AUTS2: variants seen among roughly 807,000 people sequenced by gnomAD.
AUTS2 encodes activator of transcription and developmental regulator AUTS2.
AUTS2 carries 17 observed loss-of-function variants against 112.4 expected under a neutral mutation model. The observed-to-expected ratio is 0.15, with a 90% CI of 0.10 to 0.23. AUTS2 has a LOEUF of 0.23. Among genes scored for constraint, AUTS2 ranks in the 10% least tolerant of loss-of-function variants. AUTS2 has a pLI of 1.00. For synonymous variants in AUTS2, 751 were observed against 702.7 expected, an observed-to-expected ratio of 1.07 and a Z score of -1.09; for missense variants, 1,510 against 1,701.6, an observed-to-expected ratio of 0.89 and a Z score of 1.98.
At chr7:70,457,829 C>T (rs115414959) in intron 5 of AUTS2, among the ~76,000 whole-genome samples, 2 of 152,268 alleles carry the variant, frequency 1.3e-5, no homozygotes, top group African/African-American at 4.8e-5. Flanking sequence ...GATTAAAAGG[C>T]CCTTCAGAAT....
At chr7:69,810,096 CTCCACACATGT>C (rs1302097156) in intron 1 of AUTS2, among the ~76,000 whole-genome samples, 1 of 152,202 alleles carries the variant, frequency 6.6e-6, no homozygotes, top group Non-Finnish European at 1.5e-5. Flanking sequence ...CTTACAGCTT[CTCCACACATGT>C]TCCAGCGTCC....
At chr7:70,102,017 C>T (rs554213976) in intron 2 of AUTS2, among the ~76,000 whole-genome samples, 23 of 151,454 alleles carry the variant, frequency 1.5e-4, no homozygotes, top group Non-Finnish European at 3.2e-4. Context: ...TTTACGTATT[C>T]GTTCAACCGT....
chr7:70,093,763 A>G (rs1301531509), intron 2 of AUTS2, among the ~76,000 whole-genome samples: 5 of 152,236 alleles, frequency 3.3e-5, no homozygotes, highest in Admixed American at 6.5e-5. Context: ...GTCATGGAAC[A>G]TGTAAGCTGT....
At chr7:70,089,226 A>G (rs1470953282) in intron 2 of AUTS2, among the ~76,000 whole-genome samples, 1 of 152,226 alleles carries the variant, frequency 6.6e-6, no homozygotes, top group African/African-American at 2.4e-5. Context: ...ATTATTAACA[A>G]TGGAGCATTG....
At chr7:70,639,616 CAAAAAA>C (rs5884790) in intron 5 of AUTS2, among the ~76,000 whole-genome samples, 5 of 75,058 alleles carry the variant, frequency 6.7e-5, no homozygotes, top group Admixed American at 1.9e-4. Context: ...GACCCTGTCT[CAAAAAA>C]AAAAAAAAAA....
At chr7:70,056,661 C>T (rs1238290558) in intron 2 of AUTS2, among the ~76,000 whole-genome samples, 1 of 152,136 alleles carries the variant, frequency 6.6e-6, no homozygotes, top group Non-Finnish European at 1.5e-5. Flanking sequence ...TTTCTACAAC[C>T]TGCATTGAGG....
chr7:70,706,976 G>A (rs970153820), intron 6 of AUTS2, among the ~76,000 whole-genome samples: 1 of 152,210 alleles, frequency 6.6e-6, no homozygotes, highest in African/African-American at 2.4e-5. Flanking sequence ...ACGCTTACTA[G>A]CTGTGGAACT....
Position 70,791,276 on chromosome 7 carries a change from A to AACAC in AUTS2, c.*285_*288dup. The AACAC allele has an allele frequency of 3.5e-6, 1 of 282,474 alleles. No homozygotes were observed. The highest frequency in any genetic ancestry group is 5.9e-5 in the East Asian group (1 of 17,020). The allele number at this position is 282,474 out of a possible 1,614,324, so 17.5% of individuals were successfully genotyped here. On this transcript the variant is annotated 3_prime_UTR_variant, in exon 19 of 19. Coordinates refer to ENST00000342771, the MANE Select transcript of AUTS2 (RefSeq NM_015570.4). ...TTTGAACCAAAACAGTGAAGATGAC[A>AACAC]ACACACACCAATTGGATGATAATTG...
chr7:70,082,470 T>C (rs917386801), intron 2 of AUTS2, among the ~76,000 whole-genome samples: 2 of 152,224 alleles, frequency 1.3e-5, no homozygotes, highest in Non-Finnish European at 2.9e-5. Flanking sequence ...GCTGGACTTT[T>C]AGTACTTTAG....
chr7:69,963,613 T>C (rs1797518875), intron 2 of AUTS2, among the ~76,000 whole-genome samples: 2 of 152,188 alleles, frequency 1.3e-5, no homozygotes, highest in South Asian at 4.1e-4. Flanking sequence ...TGTGGTTACC[T>C]TTTATCAAGC....
chr7:69,988,941 T>A (rs1417510726), intron 2 of AUTS2, among the ~76,000 whole-genome samples: 1 of 152,006 alleles, frequency 6.6e-6, no homozygotes, highest in African/African-American at 2.4e-5. Context: ...GCTACTAAGT[T>A]GAAGAAAAGT....
At chr7:70,011,181 G>T (rs1414136263) in intron 2 of AUTS2, among the ~76,000 whole-genome samples, 1 of 152,156 alleles carries the variant, frequency 6.6e-6, no homozygotes. Context: ...GATGGAAAAG[G>T]TCACTCAGTC....
intron 2 of AUTS2, among the ~76,000 whole-genome samples, chr7:70,071,427 A>G (rs1802761540): frequency 1.3e-5 from 2 of 152,150 alleles, no homozygotes; most frequent in African/African-American, 4.8e-5. Context: ...GGGGAAATGT[A>G]ATAGTTCTTG....
chr7:70,706,165 C>T (rs1218860536), intron 6 of AUTS2, among the ~76,000 whole-genome samples: 1 of 152,184 alleles, frequency 6.6e-6, no homozygotes, highest in East Asian at 1.9e-4. Context: ...CAGAGTCCTA[C>T]AACAACAAAA....
At position 70,310,261 on chromosome 7, in the gene AUTS2, A is replaced by G. The variant is rs142258800; in HGVS notation, c.661-125491A>G. ...GGGTCGGGAGATATATGGAAGGACA[A>G]GGAGGACAGAGGAATTCAATCTCCT... On this transcript the variant is annotated intron_variant, in intron 4 of 18. Transcript: ENST00000342771. 1.5e-3 allele frequency among the ~76,000 whole-genome samples: 230 copies of G among 152,194 alleles called. 1 individual carries two copies. In the East Asian group the frequency reaches 0.016, roughly 11 times the overall value.
intron 4 of AUTS2, among the ~76,000 whole-genome samples, chr7:70,351,384 G>A (rs1362261371): frequency 6.6e-6 from 1 of 152,128 alleles, no homozygotes; most frequent in Non-Finnish European, 1.5e-5. Context: ...AGATGTATAT[G>A]TGTACACACA....
intron 1 of AUTS2, among the ~76,000 whole-genome samples, chr7:69,836,146 C>T (rs1791712975): frequency 6.6e-6 from 1 of 152,156 alleles, no homozygotes; most frequent in African/African-American, 2.4e-5. Context: ...CACCCTTTGC[C>T]CTTCTTTTTG....
intron 4 of AUTS2, among the ~76,000 whole-genome samples, chr7:70,297,346 G>C (rs1562859984): frequency 6.6e-6 from 1 of 152,012 alleles, no homozygotes; most frequent in Non-Finnish European, 1.5e-5. Flanking sequence ...TGTTCCTCTT[G>C]AGGGAGGTTT....
At chr7:70,566,403 A>G (rs1801710053) in intron 5 of AUTS2, among the ~76,000 whole-genome samples, 1 of 152,246 alleles carries the variant, frequency 6.6e-6, no homozygotes, top group South Asian at 2.1e-4. Context: ...CTGTAAAAGC[A>G]TGCAGATGAA....
Sources: allele counts gnomAD v4.1 joint callset (sites outside exome capture counted in the v4.1 genomes callset), GRCh38; gene constraint gnomAD v4.1.1; transcripts MANE v1.5; gene names NCBI Gene and HGNC (gene_info 2026-07-23, HGNC 2026-07-21).